UBXN8: variants seen among roughly 807,000 people sequenced by gnomAD.
The protein encoded by UBXN8 is UBX domain protein 8.
Under a neutral mutation model 32.1 loss-of-function variants are expected in UBXN8, and 27 were observed. The ratio of observed to expected loss-of-function variants is 0.84; its 90% CI spans 0.62 to 1.16. The LOEUF is 1.16. Among genes scored for constraint, UBXN8 ranks in the 50% most tolerant of loss-of-function variants. The pLI, the probability that UBXN8 is intolerant of heterozygous loss-of-function variation, is 0.00. For synonymous variants in UBXN8, 109 were observed against 111.8 expected (o/e 0.98, Z 0.16); for missense variants, 306 against 311.4 (o/e 0.98, Z 0.13).
intron 7 of UBXN8, among the ~76,000 whole-genome samples, chr8:30,763,549 G>T (rs368363496): frequency 1.3e-5 from 2 of 152,106 alleles, no homozygotes; most frequent in African/African-American, 4.8e-5. Context: ...TGTGATCTCT[G>T]CATTCACATT....
chr8:30,739,466 C>G (rs957718088), upstream of UBXN8, among the ~76,000 whole-genome samples: 2 of 152,022 alleles, frequency 1.3e-5, no homozygotes, highest in Admixed American at 1.3e-4. Flanking sequence ...ACGGCGTGAA[C>G]CTGGGAGGTG....
At chr8:30,740,626 G>A (rs557748481), upstream of UBXN8, among the ~76,000 whole-genome samples, 3 of 151,346 alleles carry the variant, frequency 2.0e-5, no homozygotes, top group South Asian at 6.3e-4. Context: ...TCAGGAGGAT[G>A]AGGTGAGATG....
intron 1 of UBXN8, chr8:30,744,505 G>A: frequency 1.7e-6 from 1 of 597,258 alleles, no homozygotes; most frequent in South Asian, 2.0e-5. Flanking sequence ...AAGAGCACAG[G>A]GGCAATCATA....
chr8:30,760,018 T>G (rs908860223), intron 5 of UBXN8, among the ~76,000 whole-genome samples: 2 of 146,964 alleles, frequency 1.4e-5, no homozygotes, highest in African/African-American at 5.2e-5. Flanking sequence ...AAAATATGTA[T>G]ATGTTTGAAG....
At chr8:30,738,430 C>T (rs201735022) in intron 1 of UBXN8, among the ~76,000 whole-genome samples, 3 of 151,262 alleles carry the variant, frequency 2.0e-5, no homozygotes, top group Non-Finnish European at 2.9e-5. Flanking sequence ...GAGGCCGAGG[C>T]GGGCGGATCA....
rs1806003766 is a variant in UBXN8, at chr8:30,766,303, C to T, written c.722C>T (p.Pro241Leu). The T allele has an allele frequency of 6.2e-7, 1 of 1,613,798 alleles. No individual in the cohort carries two copies. Among genetic ancestry groups the T allele is most frequent in the African/African-American group, 1.3e-5 (1 of 74,922 alleles). ...CTTTCTACTTCCTTTCCCAGACGGC[C>T]TCTGGCAGTGGAGGGAGGCCAGTCG... is the stretch of plus-strand genomic sequence containing the variant. ...YSLSTSFPRR[P>L]LAVEGGQSLE... The change falls in exon 8 of 8, where the codon CCT becomes CTT. Residue 241 changes from proline to leucine, a missense_variant. Transcript: ENST00000265616.
At chr8:30,754,893 A>G in intron 4 of UBXN8, 106 bp downstream of exon 4, 1 of 1,320,312 alleles carries the variant, frequency 7.6e-7, no homozygotes, top group Non-Finnish European at 1.0e-6. Flanking sequence ...AGGAGTTTTT[A>G]TTGATAATGA....
intron 1 of UBXN8, 120 bp from the exon 2 acceptor site, chr8:30,751,276 G>C (rs1239597965): frequency 1.3e-6 from 1 of 785,242 alleles, no homozygotes; most frequent in Non-Finnish European, 2.0e-6. Context: ...CACTTTGGGA[G>C]GCCAAGGCAG....
In UBXN8 at chr8:30,756,759, G is replaced by T; in HGVS notation, c.406-6G>T. The stretch of plus-strand genomic sequence containing the variant: ...TCTTTAGAAATTGTCTGTTGTGTTT[G>T]ACCAGGGTGATGAAGGTACAAGTCA... On this transcript the variant is annotated splice_polypyrimidine_tract_variant and splice_region_variant and intron_variant, in intron 4 of 7. Coordinates refer to ENST00000265616, the MANE Select transcript of UBXN8 (RefSeq NM_005671.4). The T allele has an allele frequency of 6.2e-7, 1 of 1,613,952 alleles. No homozygotes were observed. Among genetic ancestry groups the T allele is most frequent in the Non-Finnish European group, 8.5e-7 (1 of 1,179,860 alleles).
chr8:30,754,227 G>A, intron 3 of UBXN8: 1 of 308,246 alleles, frequency 3.2e-6, no homozygotes, highest in South Asian at 2.9e-5. Context: ...GTGACAGAGT[G>A]AGACTCCATC....
intron 7 of UBXN8, among the ~76,000 whole-genome samples, chr8:30,764,982 A>G (rs1398220538): frequency 6.6e-6 from 1 of 152,208 alleles, no homozygotes; most frequent in Admixed American, 6.5e-5. Context: ...CCCAGGAGGC[A>G]GAGGTTGCAG....
At chr8:30,760,443 A>ATATTTTTTTTTTT (rs1196366158) in intron 5 of UBXN8, among the ~76,000 whole-genome samples, 2 of 91,118 alleles carry the variant, frequency 2.2e-5, no homozygotes, top group African/African-American at 1.0e-4. Flanking sequence ...ATATATATAT[A>ATATTTTTTTTTTT]TTTTTTTTTT....
chr8:30,734,531 G>A (rs1805033943), intron 1 of UBXN8, among the ~76,000 whole-genome samples: 1 of 151,900 alleles, frequency 6.6e-6, no homozygotes, highest in Non-Finnish European at 1.5e-5. Context: ...AAGGTGAAAG[G>A]ATCACTTGAG....
rs1373367662 is a variant in UBXN8 at position 30,758,892 on chromosome 8, TTG to T, written c.529-1994_529-1993del. 3.6e-4 allele frequency among the ~76,000 whole-genome samples: 48 copies of T among 132,728 alleles called. 4 individuals carry two copies. The South Asian group carries it at 4.4e-3, about 12-fold the overall frequency. The allele number at this position is 132,728 out of a possible 152,430, so 87.1% of individuals were successfully genotyped here. ...CAAATGTTTTTTTTGTTTGTTTTTT[TTG>T]TTTTTTTTTTTTTTTTTGAGACGGA... On this transcript the variant is annotated intron_variant, in intron 5 of 7. Coordinates refer to ENST00000265616, the MANE Select transcript of UBXN8 (RefSeq NM_005671.4).
At chr8:30,755,069 C>T (rs1805620287) in intron 4 of UBXN8, among the ~76,000 whole-genome samples, 1 of 151,358 alleles carries the variant, frequency 6.6e-6, no homozygotes, top group South Asian at 2.1e-4. Flanking sequence ...CATTCTCCTG[C>T]CTCAGCCTCC....
chr8:30,760,445 T>TATATATATA (rs59139295), intron 5 of UBXN8, among the ~76,000 whole-genome samples: 12 of 31,198 alleles, frequency 3.8e-4, no homozygotes, highest in African/African-American at 7.6e-4. Flanking sequence ...ATATATATAT[T>TATATATATA]TTTTTTTTTT....
intron 6 of UBXN8, among the ~76,000 whole-genome samples, chr8:30,761,239 C>T (rs542182325): frequency 4.6e-5 from 7 of 151,312 alleles, no homozygotes; most frequent in Non-Finnish European, 1.5e-5. Context: ...CTGCTGTCTG[C>T]TGAGTTGTCT....
intron 5 of UBXN8, among the ~76,000 whole-genome samples, chr8:30,760,445 T>TATATATATATA (rs59139295): frequency 6.1e-4 from 19 of 31,192 alleles, no homozygotes; most frequent in Admixed American, 1.2e-3. Flanking sequence ...ATATATATAT[T>TATATATATATA]TTTTTTTTTT....
At chr8:30,759,575 C>T (rs751045837) in intron 5 of UBXN8, among the ~76,000 whole-genome samples, 1 of 151,670 alleles carries the variant, frequency 6.6e-6, no homozygotes, top group Non-Finnish European at 1.5e-5. Context: ...AATAGGGAAA[C>T]ATGAGTAAAT....
Sources: allele counts gnomAD v4.1 joint callset (sites outside exome capture counted in the v4.1 genomes callset), GRCh38; gene constraint gnomAD v4.1.1; transcripts MANE v1.5; gene names NCBI Gene and HGNC (gene_info 2026-07-23, HGNC 2026-07-21).